Variants in MIPOL1 observed in about 807,000 individuals in gnomAD.
MIPOL1 encodes the protein mirror-image polydactyly gene 1 protein.
In MIPOL1, 57 loss-of-function variants were observed where a neutral mutation model predicts 60.9. The ratio of observed to expected loss-of-function variants is 0.94; its 90% CI spans 0.76 to 1.17. The LOEUF is 1.17. Among genes scored for constraint, MIPOL1 ranks in the 50% most tolerant of loss-of-function variants. The probability of loss-of-function intolerance (pLI) is 0.00; values close to 1 mark genes in which losing one functional copy is unlikely to be tolerated. For missense variants in MIPOL1, 551 were observed against 511.6 expected, an observed-to-expected ratio of 1.08 and a Z score of -0.74; for synonymous variants, 179 against 168.8, an observed-to-expected ratio of 1.06 and a Z score of -0.47.
chr14:37,244,222 C>T (rs933042892), intron 1 of MIPOL1, among the ~76,000 whole-genome samples: 3 of 139,542 alleles, frequency 2.1e-5, no homozygotes, highest in African/African-American at 8.1e-5. Context: ...CGGGTTCAAG[C>T]AATTCTCCTG....
intron 9 of MIPOL1, among the ~76,000 whole-genome samples, chr14:37,363,080 G>A (rs2153487677): frequency 6.6e-6 from 1 of 152,186 alleles, no homozygotes; most frequent in South Asian, 2.1e-4. Context: ...GGAGAAGTTT[G>A]TTACTACTGA....
chr14:37,453,311 C>T (rs149203298), intron 11 of MIPOL1, among the ~76,000 whole-genome samples: 234 of 151,884 alleles, frequency 1.5e-3, no homozygotes, highest in African/African-American at 5.5e-3. Flanking sequence ...AACAGGGAGG[C>T]GCTTAGTGGT....
rs2153645005 is a variant in MIPOL1, at chr14:37,548,367, ACT to A, written c.*1399_*1400del. Reference sequence around the variant, plus strand: ...CACAAAAGAATCATAATGCTAACAAACTCTATTTCTTCCTTATTAAATCTGTA... The same window carrying A: ...CACAAAAGAATCATAATGCTAACAAACTATTTCTTCCTTATTAAATCTGTA... On this transcript the variant is annotated 3_prime_UTR_variant, in exon 13 of 13. Coordinates refer to ENST00000684589, the MANE Select transcript of MIPOL1 (RefSeq NM_001388067.1). 1 of 152,036 alleles carries A rather than the reference ACT, an allele frequency of 6.6e-6. No homozygotes were observed. Among genetic ancestry groups the A allele is most frequent in the South Asian group, 2.1e-4 (1 of 4,830 alleles). 9.4% of individuals were successfully genotyped at this position (152,036 alleles called of 1,614,324 possible).
At chr14:37,336,264 T>C (rs2090107182) in intron 9 of MIPOL1, among the ~76,000 whole-genome samples, 1 of 151,690 alleles carries the variant, frequency 6.6e-6, no homozygotes, top group South Asian at 2.1e-4. Context: ...TCTGTTTTAC[T>C]GGTCTACATG....
intron 1 of MIPOL1, chr14:37,212,260 C>T (rs1325638944): frequency 6.6e-6 from 1 of 152,198 alleles, no homozygotes; most frequent in Non-Finnish European, 1.5e-5. Flanking sequence ...GGGTAGAACA[C>T]TAAGTGGGCT....
chr14:37,522,712 A>G (rs757731732), intron 12 of MIPOL1, among the ~76,000 whole-genome samples: 74 of 152,156 alleles, frequency 4.9e-4, no homozygotes, highest in Non-Finnish European at 8.5e-4. Context: ...TGACTCTGAA[A>G]ACGTTTGAAT....
At chr14:37,204,992 T>A (rs1965854947) in intron 1 of MIPOL1, among the ~76,000 whole-genome samples, 1 of 152,168 alleles carries the variant, frequency 6.6e-6, no homozygotes, top group Non-Finnish European at 1.5e-5. Flanking sequence ...ATGAGGAACT[T>A]GTTGAGAACT....
At chr14:37,510,097 T>C (rs961145427) in intron 12 of MIPOL1, among the ~76,000 whole-genome samples, 17 of 152,110 alleles carry the variant, frequency 1.1e-4, no homozygotes, top group African/African-American at 3.4e-4. Flanking sequence ...TAAATACATA[T>C]ATGAACCATA....
chr14:37,274,370 A>G (rs1357912681), intron 6 of MIPOL1, among the ~76,000 whole-genome samples: 1 of 151,318 alleles, frequency 6.6e-6, no homozygotes, highest in Non-Finnish European at 1.5e-5. Flanking sequence ...ATGGTTGACT[A>G]CCTTTCTTTT....
At chr14:37,434,938 G>C (rs2094140181) in intron 11 of MIPOL1, among the ~76,000 whole-genome samples, 1 of 151,164 alleles carries the variant, frequency 6.6e-6, no homozygotes, top group Non-Finnish European at 1.5e-5. Context: ...TAGCCAAGTT[G>C]ACACATAAAA....
At chr14:37,338,709 A>G (rs955508023) in intron 9 of MIPOL1, among the ~76,000 whole-genome samples, 26 of 152,080 alleles carry the variant, frequency 1.7e-4, no homozygotes, top group African/African-American at 6.0e-4. Flanking sequence ...ATGCCCAGCC[A>G]TTTTTATCAA....
chr14:37,304,995 A>C (rs2086663311), intron 7 of MIPOL1, among the ~76,000 whole-genome samples: 1 of 151,948 alleles, frequency 6.6e-6, no homozygotes, highest in African/African-American at 2.4e-5. Context: ...TATTATTTTA[A>C]GTCTTTATTT....
intron 12 of MIPOL1, among the ~76,000 whole-genome samples, chr14:37,528,315 C>T (rs2095460042): frequency 6.6e-6 from 1 of 151,812 alleles, no homozygotes; most frequent in South Asian, 2.1e-4. Context: ...ATTTAAATGG[C>T]TTTAAGTCTA....
chr14:37,397,075 G>A (rs1379119008), intron 10 of MIPOL1: 1 of 152,124 alleles, frequency 6.6e-6, no homozygotes, highest in African/African-American at 2.4e-5. Flanking sequence ...TACCAGAGTT[G>A]GTTTTCTGGT....
intron 10 of MIPOL1, among the ~76,000 whole-genome samples, chr14:37,416,748 C>T (rs2093777328): frequency 6.6e-6 from 1 of 152,102 alleles, no homozygotes; most frequent in Admixed American, 6.5e-5. Context: ...AAGATAGAAT[C>T]ATGAGGAAGA....
chr14:37,480,064 G>A (rs1440474824), intron 11 of MIPOL1, among the ~76,000 whole-genome samples: 1 of 152,062 alleles, frequency 6.6e-6, no homozygotes, highest in East Asian at 1.9e-4. Flanking sequence ...TTCATAAAAA[G>A]TTGCCCAGGA....
intron 7 of MIPOL1, among the ~76,000 whole-genome samples, chr14:37,297,801 A>C (rs1017491607): frequency 3.3e-5 from 5 of 151,936 alleles, no homozygotes; most frequent in Admixed American, 3.3e-4. Context: ...CAAGGAAATA[A>C]AAGAGGATAC....
intron 9 of MIPOL1, among the ~76,000 whole-genome samples, chr14:37,322,983 G>A (rs2088765097): frequency 6.6e-6 from 1 of 152,012 alleles, no homozygotes; most frequent in Non-Finnish European, 1.5e-5. Flanking sequence ...AGTTTAATTA[G>A]ATCCCATTTA....
chr14:37,268,557 T>C, intron 4 of MIPOL1, 101 bp from the exon 5 acceptor site: 1 of 841,220 alleles, frequency 1.2e-6, no homozygotes, highest in Non-Finnish European at 1.8e-6. Flanking sequence ...CCTTCCTTTA[T>C]GGTGTTTGCT....
Sources: allele counts gnomAD v4.1 joint callset (sites outside exome capture counted in the v4.1 genomes callset), GRCh38; gene constraint gnomAD v4.1.1; transcripts MANE v1.5; gene names NCBI Gene and HGNC (gene_info 2026-07-23, HGNC 2026-07-21).